SLC9A6: variants seen among roughly 807,000 people sequenced by gnomAD.
The protein encoded by SLC9A6 is solute carrier family 9 member A6, also known as sodium/hydrogen exchanger 6.
A neutral mutation model predicts 45.3 loss-of-function variants in SLC9A6; 6 were observed. The ratio of observed to expected loss-of-function variants is 0.13; its 90% CI spans 0.07 to 0.26. The LOEUF (loss-of-function observed/expected upper bound fraction) is 0.26. Ranked by LOEUF, SLC9A6 falls within the 10% of genes least tolerant of loss-of-function variation. The probability of loss-of-function intolerance (pLI) is 1.00; values close to 1 mark genes in which losing one functional copy is unlikely to be tolerated. For synonymous variants in SLC9A6, 191 were observed against 187.7 expected, an observed-to-expected ratio of 1.02 and a Z score of -0.14; for missense variants, 278 against 503.7, an observed-to-expected ratio of 0.55 and a Z score of 4.29.
intron 7 of SLC9A6, among the ~76,000 whole-genome samples, chrX:136,009,500 T>A (rs1556618363): frequency 8.9e-6 from 1 of 112,100 alleles, no homozygotes; most frequent in East Asian, 2.8e-4. Flanking sequence ...GAATTCATTA[T>A]ATTTTTAGGA....
At chrX:135,991,137 A>G (rs1188541344) in intron 2 of SLC9A6, among the ~76,000 whole-genome samples, 1 of 111,809 alleles carries the variant, frequency 8.9e-6, no homozygotes, top group Non-Finnish European at 1.9e-5. Context: ...ACGTTTTTAA[A>G]GTTGGTGTCA....
intron 7 of SLC9A6, among the ~76,000 whole-genome samples, chrX:136,002,710 C>T (rs1158185956): frequency 6.5e-5 from 7 of 107,001 alleles, no homozygotes; most frequent in African/African-American, 2.4e-4. Context: ...TATAGGCACC[C>T]GCCACCATGC....
At chrX:135,998,993 A>C (rs782791783) in intron 6 of SLC9A6, 25 bp downstream of exon 6, 5 of 976,167 alleles carry the variant, frequency 5.1e-6, no homozygotes, top group East Asian at 6.1e-5. Context: ...AGTGGAGTTT[A>C]CATACTTGAG....
intron 1 of SLC9A6, chrX:135,974,947 A>G (rs2089253442): frequency 4.1e-6 from 1 of 241,413 alleles, no homozygotes; most frequent in African/African-American, 2.9e-5. Flanking sequence ...TAAAATGTAT[A>G]CTCCTCTGCC....
intron 17 of SLC9A6, among the ~76,000 whole-genome samples, chrX:136,040,840 G>A (rs2071494673): frequency 2.7e-5 from 3 of 112,425 alleles, no homozygotes; most frequent in African/African-American, 6.5e-5. Flanking sequence ...CTTCCATTCT[G>A]GCCAGGCGTG....
chrX:135,980,705 C>CA (rs1434368375), upstream of SLC9A6, among the ~76,000 whole-genome samples: 2 of 110,770 alleles, frequency 1.8e-5, no homozygotes, highest in Non-Finnish European at 3.8e-5. Flanking sequence ...CACAGGTGCA[C>CA]ACCTCCATAC....
chrX:136,040,051 C>T (rs782214703), intron 16 of SLC9A6, 25 bp from the exon 17 acceptor site: 4 of 1,139,870 alleles, frequency 3.5e-6, no homozygotes, highest in East Asian at 6.0e-5. Flanking sequence ...AAGAAAGGAC[C>T]ACAGCTCTTC....
At chrX:135,983,732 C>T, upstream of SLC9A6, 1 of 102,629 alleles carries the variant, frequency 9.7e-6, no homozygotes, top group African/African-American at 3.6e-5. Flanking sequence ...GTTCCCAACA[C>T]TCAGTGAAAA....
chrX:135,995,485 G>A (rs1229472984), intron 3 of SLC9A6, among the ~76,000 whole-genome samples: 1 of 110,292 alleles, frequency 9.1e-6, no homozygotes, highest in African/African-American at 3.3e-5. Flanking sequence ...ACCACACCCG[G>A]CTGATTTTTG....
rs2089530238 is a variant in SLC9A6, at chrX:135,998,020, C to CATAT, written c.370-86_370-83dup. On this transcript the variant is annotated intron_variant, in intron 3 of 17. Transcript: ENST00000630721. ...ATGTTCTTGCCTTTGACTAGTTTAA[C>CATAT]ATATAGTATTTTTTCTTTTTGATCA... The CATAT allele has an allele frequency of 4.3e-5, 23 of 539,641 alleles. No homozygotes were observed. In the South Asian group the frequency reaches 4.7e-4, roughly 11 times the overall value. The allele number at this position is 539,641 out of a possible 1,213,427, so 44.5% of individuals were successfully genotyped here.
At chrX:136,000,463 C>G (rs1256048932) in intron 6 of SLC9A6, among the ~76,000 whole-genome samples, 2 of 110,431 alleles carry the variant, frequency 1.8e-5, no homozygotes, top group African/African-American at 6.6e-5. Context: ...TCTCTGGTTT[C>G]TGTGTCCTTT....
rs782767811 is a variant in SLC9A6, at chrX:135,994,809, C to T, written c.193C>T (p.Arg65Trp). ...IYGLLVGLVL[R>W]YGIHVPSDVN... ...AGGTCTTTTGGTGGGCCTTGTGCTT[C>T]GGTATGGCATTCATGTTCCGAGTGA... is the stretch of plus-strand genomic sequence containing the variant. Residue 65 changes from arginine (R) to tryptophan (W), a missense_variant, in exon 3 of 18, where the codon CGG becomes TGG. Arg to Trp is a moderately radical substitution (Grantham distance 101). Around this residue, in one of 5 missense-constraint regions of SLC9A6, gnomAD observed 118 missense variants for 209.9 expected, o/e 0.56. Transcript: ENST00000630721. 17 of 1,209,434 alleles carry T rather than the reference C, an allele frequency of 1.4e-5. No homozygotes were observed. Among genetic ancestry groups the T allele is most frequent in the Non-Finnish European group, 1.8e-5 (16 of 895,075 alleles).
intron 9 of SLC9A6, 127 bp from the exon 10 acceptor site, chrX:136,013,222 T>C (rs2070956410): frequency 1.4e-6 from 1 of 739,801 alleles, no homozygotes; most frequent in Admixed American, 2.3e-5. Context: ...AAGTGGTTCC[T>C]CTTAACAAAG....
Position 136,005,473 on chromosome X carries a change from G to C in SLC9A6, c.743+3260G>C, listed in dbSNP as rs1351580961. On this transcript the variant is annotated intron_variant, in intron 7 of 17. Transcript: ENST00000630721. ...AGGCGGGCGGATCACCTGAGGTCAG[G>C]AGTTCGAGACCAGCCTGGCCAACAT... Among the ~76,000 whole-genome samples, 3 of 112,326 alleles carry C rather than the reference G, an allele frequency of 2.7e-5. No homozygotes were observed. The Admixed American group carries it at 2.8e-4, about 11-fold the overall frequency.
upstream of SLC9A6, chrX:135,983,722 G>A (rs1245090114): frequency 1.0e-5 from 1 of 97,935 alleles, no homozygotes; most frequent in Non-Finnish European, 2.0e-5. Context: ...TTTTTTTCAA[G>A]TTCCCAACAC....
At chrX:136,042,525 T>C (rs1274995722) in intron 17 of SLC9A6, among the ~76,000 whole-genome samples, 3 of 112,031 alleles carry the variant, frequency 2.7e-5, no homozygotes, top group Non-Finnish European at 5.6e-5. Flanking sequence ...TTTTTAGTTA[T>C]AACACTAGCA....
chrX:136,039,970 G>A (rs2071478562), intron 16 of SLC9A6, 106 bp from the exon 17 acceptor site: 4 of 610,546 alleles, frequency 6.6e-6, no homozygotes, highest in Admixed American at 2.6e-5. Flanking sequence ...AAAGCCCTTT[G>A]CTGTCCTCCG....
chrX:136,027,314 T>TA (rs1238669206), intron 13 of SLC9A6, among the ~76,000 whole-genome samples: 1 of 111,487 alleles, frequency 9.0e-6, no homozygotes, highest in Non-Finnish European at 1.9e-5. Context: ...AGTTCAGTCT[T>TA]ACCTACGTGA....
At chrX:135,987,197 G>A (rs2089353084) in intron 2 of SLC9A6, among the ~76,000 whole-genome samples, 1 of 111,827 alleles carries the variant, frequency 8.9e-6, no homozygotes, top group Non-Finnish European at 1.9e-5. Flanking sequence ...ATATTAGATG[G>A]TTTTTATATT....
Sources: gnomAD v4.1 joint callset for allele counts (sites outside exome capture counted in the v4.1 genomes callset) on GRCh38, gnomAD v4.1.1 for gene constraint, gnomAD v4.1.1 regional missense constraint, MANE v1.5 for transcripts, NCBI Gene and HGNC (gene_info 2026-07-23, HGNC 2026-07-21) for gene names.